The following CGNL1 variants were observed in gnomAD, a reference collection of about 807,000 sequenced individuals.
CGNL1 encodes the protein cingulin-like protein 1.
A neutral mutation model predicts 141.2 loss-of-function variants in CGNL1; 132 were observed. The observed-to-expected ratio is 0.93, with a 90% CI of 0.81 to 1.08. The LOEUF (loss-of-function observed/expected upper bound fraction) is 1.08, where lower values mean the gene tolerates loss of function less well. CGNL1 is among the 50% of genes least tolerant of loss of function. CGNL1 has a pLI of 0.00. For synonymous variants in CGNL1, 690 were observed against 622.1 expected (o/e 1.11, Z -1.63); for missense variants, 1,870 against 1,588.6 (o/e 1.18, Z -3.01).
At chr15:57,387,285 T>C (rs1171198032) in intron 1 of CGNL1, among the ~76,000 whole-genome samples, 3 of 152,218 alleles carry the variant, frequency 2.0e-5, no homozygotes, top group African/African-American at 7.2e-5. Flanking sequence ...TTCACCACTT[T>C]TTACCTGGTG....
chr15:57,451,707 C>T (rs1159065900), intron 5 of CGNL1, 106 bp downstream of exon 5: 1 of 728,304 alleles, frequency 1.4e-6, no homozygotes, highest in Admixed American at 2.9e-5. Context: ...TTTTTTTCCC[C>T]CAAAAGAAAC....
rs756989622 is a variant in CGNL1 at position 57,461,760 on chromosome 15, G to T, written c.2271G>T (p.Glu757Asp). ...AAGAAGACCTCTTGAGAAAGCGAGA[G>T]CGTGAACTCACCGCCCTGAAGGGAG... is the stretch of plus-strand genomic sequence containing the variant. ...EEQEDLLRKR[E>D]RELTALKGAL... The change falls in exon 8 of 19, where the codon GAG becomes GAT. Residue 757 changes from glutamate to aspartate, a missense_variant. Physicochemically the swap from Glu to Asp is conservative, Grantham distance 45. Coordinates refer to ENST00000281282, the MANE Select transcript of CGNL1 (RefSeq NM_032866.5). The T allele has an allele frequency of 2.5e-6, 4 of 1,614,064 alleles. No individual in the cohort carries two copies. The East Asian group carries it at 6.7e-5, about 27-fold the overall frequency.
At chr15:57,412,818 A>T (rs554660569) in intron 1 of CGNL1, among the ~76,000 whole-genome samples, 1 of 151,118 alleles carries the variant, frequency 6.6e-6, no homozygotes, top group East Asian at 2.0e-4. Context: ...TTCCAGCTCT[A>T]CTCCCCTCCT....
chr15:57,376,648 CGG>C (rs2062366022), intron 1 of CGNL1, 81 bp downstream of exon 1: 1 of 150,352 alleles, frequency 6.7e-6, no homozygotes, highest in African/African-American at 2.5e-5. Flanking sequence ...CCCAGGGCGG[CGG>C]GACCCCCAGG....
intron 1 of CGNL1, among the ~76,000 whole-genome samples, chr15:57,436,936 G>A (rs2152303509): frequency 6.6e-6 from 1 of 152,144 alleles, no homozygotes; most frequent in African/African-American, 2.4e-5. Flanking sequence ...TGGAAAATGT[G>A]CTAGTAGATT....
intron 1 of CGNL1, among the ~76,000 whole-genome samples, chr15:57,387,990 C>A (rs1303392555): frequency 6.6e-6 from 1 of 152,206 alleles, no homozygotes; most frequent in African/African-American, 2.4e-5. Flanking sequence ...GGCTGAAAGC[C>A]ACATAGATAT....
At chr15:57,510,867 G>A (rs1389742008) in intron 8 of CGNL1, among the ~76,000 whole-genome samples, 1 of 152,120 alleles carries the variant, frequency 6.6e-6, no homozygotes, top group African/African-American at 2.4e-5. Context: ...GTAAACTGGC[G>A]TGGGAGAGTT....
At chr15:57,392,303 G>A (rs1172435134) in intron 1 of CGNL1, among the ~76,000 whole-genome samples, 1 of 152,170 alleles carries the variant, frequency 6.6e-6, no homozygotes, top group Non-Finnish European at 1.5e-5. Context: ...TGATAGGATA[G>A]GAGTGCATTT....
intron 8 of CGNL1, among the ~76,000 whole-genome samples, chr15:57,496,508 C>A (rs1230484601): frequency 6.6e-6 from 1 of 152,166 alleles, no homozygotes; most frequent in African/African-American, 2.4e-5. Context: ...GAAACCATCC[C>A]TCCCCTCAAC....
At chr15:57,497,412 A>G (rs1421523470) in intron 8 of CGNL1, among the ~76,000 whole-genome samples, 1 of 152,070 alleles carries the variant, frequency 6.6e-6, no homozygotes, top group East Asian at 1.9e-4. Flanking sequence ...TCCTGTTGTG[A>G]CAGCACACTC....
chr15:57,546,593 A>C (rs1306915414), intron 18 of CGNL1, among the ~76,000 whole-genome samples: 2 of 152,202 alleles, frequency 1.3e-5, no homozygotes, highest in East Asian at 1.9e-4. Flanking sequence ...CTTAGGGAGA[A>C]ATAAGGTGAA....
At chr15:57,513,250 ATGGGTGTGTGTG>A (rs2030477746) in intron 8 of CGNL1, among the ~76,000 whole-genome samples, 1 of 92,786 alleles carries the variant, frequency 1.1e-5, no homozygotes, top group South Asian at 3.4e-4. Flanking sequence ...AAATGTCAAT[ATGGGTGTGTGTG>A]TGTGTGTGTG....
intron 1 of CGNL1, among the ~76,000 whole-genome samples, chr15:57,385,568 C>T (rs567601521): frequency 6.6e-6 from 1 of 152,318 alleles, no homozygotes; most frequent in East Asian, 1.9e-4. Context: ...AGGTCTCATT[C>T]ACTTGGATTG....
chr15:57,547,999 T>C lies in CGNL1; in HGVS notation c.*509T>C, dbSNP rs1315757105. The stretch of plus-strand genomic sequence containing the variant: ...GTAAAGTTCATGCATCTATATTGAG[T>C]ATTCTTTTTTTTTTTTTTTGAGATG... On this transcript the variant is annotated 3_prime_UTR_variant, in exon 19 of 19. Transcript: ENST00000281282. 1 of 147,152 alleles carries C rather than the reference T, an allele frequency of 6.8e-6. No individual in the cohort carries two copies. The highest frequency in any genetic ancestry group is 2.6e-5 in the African/African-American group (1 of 38,848). 9.1% of individuals were successfully genotyped at this position (147,152 alleles called of 1,614,324 possible).
At chr15:57,457,883 G>A (rs1423260293) in intron 7 of CGNL1, among the ~76,000 whole-genome samples, 1 of 152,114 alleles carries the variant, frequency 6.6e-6, no homozygotes, top group Non-Finnish European at 1.5e-5. Flanking sequence ...TCTAGTGGAT[G>A]AACTCCAGTG....
chr15:57,394,650 A>C (rs1300473750), intron 1 of CGNL1, among the ~76,000 whole-genome samples: 2 of 152,234 alleles, frequency 1.3e-5, no homozygotes, highest in Non-Finnish European at 2.9e-5. Context: ...TCAGTGTTAC[A>C]AATGACCTAT....
Position 57,544,512 on chromosome 15 carries a change from TC to T in CGNL1, c.3417del (p.Tyr1140ThrfsTer44). 6.2e-7 allele frequency: 1 copy of T among 1,613,694 alleles called. No individual in the cohort carries two copies. The highest frequency in any genetic ancestry group is 1.6e-4 in the Middle Eastern group (1 of 6,062). ...GAGCCGGATTATCCACCTGGAAGGT[TC>T]CTACAGGTCCAGCAAAGAGGGGCTG... is the stretch of plus-strand genomic sequence containing the variant. ...LKSRIIHLEG[S>X]YRSSKEGLVV... is the part of the protein sequence containing the mutation. On this transcript the variant is annotated frameshift_variant, in exon 16 of 19. Transcript: ENST00000281282. LOFTEE classifies it high-confidence loss of function.
intron 8 of CGNL1, among the ~76,000 whole-genome samples, chr15:57,512,556 T>A (rs1298766328): frequency 6.6e-6 from 1 of 152,062 alleles, no homozygotes; most frequent in Non-Finnish European, 1.5e-5. Context: ...TCTCCTAGAG[T>A]CATACTCAGC....
intron 9 of CGNL1, 104 bp downstream of exon 9, chr15:57,517,090 AG>A: frequency 8.8e-7 from 1 of 1,133,752 alleles, no homozygotes; most frequent in Non-Finnish European, 1.3e-6. Flanking sequence ...ATGATGTAGT[AG>A]GAAAGGTCAA....
Sources: gnomAD v4.1 joint callset for allele counts (sites outside exome capture counted in the v4.1 genomes callset) on GRCh38, gnomAD v4.1.1 for gene constraint, MANE v1.5 for transcripts, NCBI Gene and HGNC (gene_info 2026-07-23, HGNC 2026-07-21) for gene names.